The following ARHGAP24 variants were observed in gnomAD, a reference collection of about 807,000 sequenced individuals.
The protein encoded by ARHGAP24 is rho GTPase-activating protein 24.
ARHGAP24 carries 50 observed loss-of-function variants against 76.4 expected under a neutral mutation model. That is an observed-to-expected ratio of 0.65 (90% CI 0.52 to 0.83). The LOEUF is 0.83. ARHGAP24 is among the 40% of genes least tolerant of loss of function. ARHGAP24 has a pLI of 0.00. For missense variants in ARHGAP24, 930 were observed against 914.2 expected (o/e 1.02, Z -0.22); for synonymous variants, 345 against 323.3 (o/e 1.07, Z -0.72).
At chr4:85,522,456 G>T (rs1025693992) in intron 1 of ARHGAP24, among the ~76,000 whole-genome samples, 2 of 152,276 alleles carry the variant, frequency 1.3e-5, no homozygotes, top group East Asian at 1.9e-4. Flanking sequence ...GGTAGTAGTT[G>T]CAGTAGGAGT....
intron 2 of ARHGAP24, among the ~76,000 whole-genome samples, chr4:85,625,111 T>C (rs1720891543): frequency 6.6e-6 from 1 of 152,218 alleles, no homozygotes; most frequent in East Asian, 1.9e-4. Flanking sequence ...TGCCTTCTGC[T>C]AGCTTTTGAA....
At position 85,476,406 on chromosome 4, in the gene ARHGAP24, T is replaced by A. The variant is rs78254109; in HGVS notation, c.-21+847T>A. Among the ~76,000 whole-genome samples the A allele has an allele frequency of 8.1e-4, 124 of 152,302 alleles. No homozygotes were observed. The East Asian group carries it at 9.5e-3, about 12-fold the overall frequency. ...GTAATTTCTCCAAGTAATTTCTGTT[T>A]CCAGCACATTTTATGTTACTCTTTT... is the stretch of plus-strand genomic sequence containing the variant. On this transcript the variant is annotated intron_variant, in intron 1 of 9. Coordinates refer to ENST00000395184, the MANE Select transcript of ARHGAP24 (RefSeq NM_001025616.3).
At chr4:85,602,117 T>C (rs765678513) in intron 2 of ARHGAP24, among the ~76,000 whole-genome samples, 5 of 152,224 alleles carry the variant, frequency 3.3e-5, no homozygotes, top group African/African-American at 1.2e-4. Flanking sequence ...GATGTTTACA[T>C]TGCTATTTCC....
intron 1 of ARHGAP24, among the ~76,000 whole-genome samples, chr4:85,524,631 G>A (rs1008525272): frequency 1.3e-5 from 2 of 152,118 alleles, no homozygotes; most frequent in Non-Finnish European, 2.9e-5. Flanking sequence ...ATGGAGTTAG[G>A]ATTTAAATCC....
At position 85,813,711 on chromosome 4, in the gene ARHGAP24, G is replaced by A. The variant is rs75672851; in HGVS notation, c.268+91739G>A. ...CAAAGAAAGATTGTCTGTATTTATG[G>A]CATAAAACCTGATGTTTTGATATTG... On this transcript the variant is annotated intron_variant, in intron 3 of 9. Transcript: ENST00000395184. Among the ~76,000 whole-genome samples, 1,488 of 150,522 alleles carry A rather than the reference G, an allele frequency of 9.9e-3. 28 individuals carry two copies. The highest frequency in any genetic ancestry group is 0.034 in the African/African-American group (1,396 of 41,030).
chr4:85,903,495 G>A (rs1041123159), intron 3 of ARHGAP24, among the ~76,000 whole-genome samples: 2 of 151,922 alleles, frequency 1.3e-5, no homozygotes, highest in African/African-American at 2.4e-5. Flanking sequence ...TCATTTAAAA[G>A]CTGTAAAAAT....
intron 3 of ARHGAP24, among the ~76,000 whole-genome samples, chr4:85,852,627 G>A (rs185250543): frequency 4.6e-4 from 70 of 152,262 alleles, no homozygotes; most frequent in African/African-American, 1.6e-3. Context: ...ACCTACAGAT[G>A]GGGTTATTGG....
chr4:85,903,057 A>G (rs72660111), intron 3 of ARHGAP24, among the ~76,000 whole-genome samples: 24,470 of 152,216 alleles, frequency 0.16, 2,060 homozygotes, highest in South Asian at 0.3. Flanking sequence ...TTTTATGTAT[A>G]TTTTAAGAAT....
At chr4:85,586,190 T>A (rs1265088623) in intron 2 of ARHGAP24, among the ~76,000 whole-genome samples, 1 of 151,068 alleles carries the variant, frequency 6.6e-6, no homozygotes, top group Non-Finnish European at 1.5e-5. Flanking sequence ...AGGCATTACA[T>A]CCCAGTGGAG....
chr4:85,628,052 C>T (rs191475502), intron 2 of ARHGAP24, among the ~76,000 whole-genome samples: 22 of 152,312 alleles, frequency 1.4e-4, no homozygotes, highest in African/African-American at 4.1e-4. Context: ...CGCCCTGCTT[C>T]GGCTTGCACA....
rs140557900 is a variant in ARHGAP24 at position 85,930,940 on chromosome 4, G to A, written c.391+7170G>A. 23 of 1,614,062 alleles carry A rather than the reference G, an allele frequency of 1.4e-5. No homozygotes were observed. In the East Asian group the frequency reaches 5.1e-4, roughly 36 times the overall value. Reference sequence around the variant, plus strand: ...ACTTCAGGCCTGTACGATGCCTGAAGACCGGAATTCTGGGGGGTGCCCGGC... The same window carrying A: ...ACTTCAGGCCTGTACGATGCCTGAAAACCGGAATTCTGGGGGGTGCCCGGC... On this transcript the variant is annotated intron_variant, in intron 4 of 9. Coordinates refer to ENST00000395184, the MANE Select transcript of ARHGAP24 (RefSeq NM_001025616.3).
chr4:85,582,324 T>C (rs1235393990), intron 2 of ARHGAP24, among the ~76,000 whole-genome samples: 1 of 152,124 alleles, frequency 6.6e-6, no homozygotes, highest in Non-Finnish European at 1.5e-5. Flanking sequence ...TTATCTAAAA[T>C]ACATTTTCAA....
At chr4:85,925,913 A>T (rs7693059) in intron 4 of ARHGAP24, among the ~76,000 whole-genome samples, 16,862 of 152,158 alleles carry the variant, frequency 0.11, 1,006 homozygotes, top group South Asian at 0.16. Flanking sequence ...TCCCCTTTAT[A>T]ATCAGATTTC....
At chr4:85,975,120 T>A (rs1739247498) in intron 7 of ARHGAP24, among the ~76,000 whole-genome samples, 159 bp downstream of exon 7, 1 of 152,250 alleles carries the variant, frequency 6.6e-6, no homozygotes, top group African/African-American at 2.4e-5. Flanking sequence ...AGAGGCTTCT[T>A]TGAGCATTAA....
intron 3 of ARHGAP24, among the ~76,000 whole-genome samples, chr4:85,896,678 G>T (rs1180447610): frequency 6.6e-6 from 1 of 152,144 alleles, no homozygotes; most frequent in African/African-American, 2.4e-5. Context: ...CTGATGCTCA[G>T]AGGCCGTAGC....
intron 1 of ARHGAP24, among the ~76,000 whole-genome samples, chr4:85,503,882 C>T (rs921784489): frequency 1.3e-5 from 2 of 152,206 alleles, no homozygotes; most frequent in Non-Finnish European, 2.9e-5. Context: ...GTACACACTG[C>T]TTTAAATGTG....
intron 2 of ARHGAP24, among the ~76,000 whole-genome samples, chr4:85,624,147 G>C (rs554386876): frequency 6.6e-6 from 1 of 152,114 alleles, no homozygotes; most frequent in African/African-American, 2.4e-5. Flanking sequence ...GTGAGAGAGG[G>C]CATCCCTGTC....
chr4:85,490,836 T>C (rs1723324320), intron 1 of ARHGAP24, among the ~76,000 whole-genome samples: 1 of 152,180 alleles, frequency 6.6e-6, no homozygotes, highest in South Asian at 2.1e-4. Flanking sequence ...CCAGACATTA[T>C]AAAAGCCTTG....
At chr4:85,504,976 T>C (rs1723986347) in intron 1 of ARHGAP24, among the ~76,000 whole-genome samples, 1 of 152,182 alleles carries the variant, frequency 6.6e-6, no homozygotes, top group African/African-American at 2.4e-5. Flanking sequence ...CCTTCACTCA[T>C]GAAGCTTAGT....
Sources: allele counts gnomAD v4.1 joint callset (sites outside exome capture counted in the v4.1 genomes callset), GRCh38; gene constraint gnomAD v4.1.1; transcripts MANE v1.5; gene names NCBI Gene and HGNC (gene_info 2026-07-23, HGNC 2026-07-21).